Variants in SPAG1 observed in about 807,000 individuals in gnomAD.
SPAG1 encodes sperm-associated antigen 1.
Under a neutral mutation model 100.5 loss-of-function variants are expected in SPAG1, and 69 were observed. That is an observed-to-expected ratio of 0.69 (90% CI 0.57 to 0.84). The LOEUF is 0.84. Among genes scored for constraint, SPAG1 ranks in the 40% least tolerant of loss-of-function variants. SPAG1 has a pLI of 0.00. For synonymous variants in SPAG1, 336 were observed against 411.6 expected (o/e 0.82, Z 2.22); for missense variants, 955 against 1,133.1 (o/e 0.84, Z 2.26).
chr8:100,209,426 CAA>C (rs201085593), intron 10 of SPAG1, among the ~76,000 whole-genome samples: 5 of 126,694 alleles, frequency 3.9e-5, no homozygotes, highest in Non-Finnish European at 6.7e-5. Flanking sequence ...GACCCTGTCT[CAA>C]AAAAAAAAAA....
intron 10 of SPAG1, among the ~76,000 whole-genome samples, chr8:100,199,744 G>GA (rs1817187572): frequency 2.0e-5 from 3 of 152,152 alleles, no homozygotes; most frequent in African/African-American, 7.2e-5. Context: ...ACTGCGCTCA[G>GA]CCTCTTTGCC....
At chr8:100,168,343 C>G (rs1446528320) in intron 3 of SPAG1, among the ~76,000 whole-genome samples, 1 of 151,860 alleles carries the variant, frequency 6.6e-6, no homozygotes. Flanking sequence ...TGTGAGGTGT[C>G]TTTACATCCT....
chr8:100,195,878 T>C (rs543952739), intron 10 of SPAG1, among the ~76,000 whole-genome samples: 1 of 152,304 alleles, frequency 6.6e-6, no homozygotes, highest in South Asian at 2.1e-4. Context: ...CAAAAAGGCC[T>C]TCTTGCTGTC....
chr8:100,217,735 A>G (rs1818070313), intron 12 of SPAG1, among the ~76,000 whole-genome samples: 1 of 152,134 alleles, frequency 6.6e-6, no homozygotes, highest in African/African-American at 2.4e-5. Context: ...TCAACAGACT[A>G]AATACAAATG....
chr8:100,200,560 CCAA>C (rs1423871872), intron 10 of SPAG1, among the ~76,000 whole-genome samples: 1 of 152,234 alleles, frequency 6.6e-6, no homozygotes, highest in Non-Finnish European at 1.5e-5. Flanking sequence ...TACAGTCCCA[CCAA>C]CAGTGTAAAA....
intron 2 of SPAG1, among the ~76,000 whole-genome samples, chr8:100,164,965 T>TG (rs1461202551): frequency 6.6e-6 from 1 of 152,180 alleles, no homozygotes; most frequent in African/African-American, 2.4e-5. Context: ...ATAAAATAGT[T>TG]GGAGAATCCA....
chr8:100,240,335 G>C, intron 17 of SPAG1, 68 bp from the exon 18 acceptor site: 1 of 1,428,270 alleles, frequency 7.0e-7, no homozygotes, highest in Non-Finnish European at 9.5e-7. Flanking sequence ...CATTCTGACA[G>C]ACGTACTTAG....
rs757463105 is a variant in SPAG1, at chr8:100,240,436, G to T, written c.2314G>T (p.Ala772Ser). 31 of 1,610,638 alleles carry T rather than the reference G, an allele frequency of 1.9e-5. No homozygotes were observed. The highest frequency in any genetic ancestry group is 2.6e-5 in the Non-Finnish European group (31 of 1,178,658). The change falls in exon 18 of 19, where the codon GCA becomes TCA. Residue 772 changes from alanine to serine, a missense_variant. Transcript: ENST00000388798. ...AGGCAAGGAGGAGCCTGGAAGACCT[G>T]CAGGGGAGGTCTCCATGGGATGCCT... ...NEGKEEPGRP[A>S]GEVSMGCLAS...
At chr8:100,240,159 A>C (rs943801038) in intron 17 of SPAG1, among the ~76,000 whole-genome samples, 8 of 152,258 alleles carry the variant, frequency 5.3e-5, no homozygotes, top group Non-Finnish European at 8.8e-5. Flanking sequence ...AATTGTATAA[A>C]GTCTAAAAAT....
chr8:100,212,434 AAT>A (rs1445475053), intron 10 of SPAG1, among the ~76,000 whole-genome samples: 3 of 152,344 alleles, frequency 2.0e-5, no homozygotes, highest in East Asian at 1.9e-4. Context: ...TATATTTAAA[AAT>A]AGATTCAACA....
In SPAG1 at chr8:100,220,269, T is replaced by C. The variant is rs781309307; in HGVS notation, c.1536-10T>C. On this transcript the variant is annotated splice_polypyrimidine_tract_variant and intron_variant, in intron 12 of 18. Coordinates refer to ENST00000388798, the MANE Select transcript of SPAG1 (RefSeq NM_003114.5). ...AAACAAATGGTATGTAATATTTTTG[T>C]CTTCTTTAGGGCTCTGGAACTTCAT... 1.6e-5 allele frequency: 25 copies of C among 1,599,450 alleles called. No homozygotes were observed. The highest frequency in any genetic ancestry group is 2.7e-5 in the African/African-American group (2 of 73,844).
intron 10 of SPAG1, among the ~76,000 whole-genome samples, chr8:100,208,445 C>T (rs982507502): frequency 1.3e-5 from 2 of 152,134 alleles, no homozygotes; most frequent in Non-Finnish European, 2.9e-5. Context: ...ACAAATGGCC[C>T]AGACCCTTCA....
chr8:100,202,436 C>A (rs967319696), intron 10 of SPAG1, among the ~76,000 whole-genome samples: 1 of 151,524 alleles, frequency 6.6e-6, no homozygotes, highest in Non-Finnish European at 1.5e-5. Context: ...CCAGGCCGGG[C>A]GCGGTGGCTC....
At chr8:100,181,195 C>T (rs1012002674) in intron 4 of SPAG1, among the ~76,000 whole-genome samples, 2 of 152,196 alleles carry the variant, frequency 1.3e-5, no homozygotes, top group African/African-American at 4.8e-5. Flanking sequence ...TATTGCTCCA[C>T]ATTCTTTTTT....
chr8:100,233,441 T>G lies in SPAG1; in HGVS notation c.2019T>G (p.Phe673Leu), dbSNP rs1353015942. 3.7e-6 allele frequency: 6 copies of G among 1,614,024 alleles called. No individual in the cohort carries two copies. The highest frequency in any genetic ancestry group is 5.1e-6 in the Non-Finnish European group (6 of 1,179,988). The change falls in exon 16 of 19, where the codon TTT becomes TTG. Residue 673 changes from phenylalanine to leucine, a missense_variant. Physicochemically the swap from Phe to Leu is conservative, Grantham distance 22 (BLOSUM62 0). Coordinates refer to ENST00000388798, the MANE Select transcript of SPAG1 (RefSeq NM_003114.5). ...TCTGTTACTTGAAGCTGTGCCAGTTTGAAGAAGCAAAGCAGGACTGTGATC... is the reference window on the plus strand; with the variant it reads ...TCTGTTACTTGAAGCTGTGCCAGTTGGAAGAAGCAAAGCAGGACTGTGATC... The part of the protein sequence containing the change: ...RALCYLKLCQ[F>L]EEAKQDCDQA...
intron 10 of SPAG1, 62 bp from the exon 11 acceptor site, chr8:100,213,010 ACCCCCGCGGCCTCCGCGG>A: frequency 2.4e-6 from 1 of 417,830 alleles, no homozygotes. Flanking sequence ...CGCGTCCTGC[ACCCCCGCGGCCTCCGCGG>A]CCTCCGCGGC....
intron 17 of SPAG1, among the ~76,000 whole-genome samples, chr8:100,240,178 G>T (rs540673831): frequency 2.0e-5 from 3 of 152,210 alleles, no homozygotes; most frequent in Non-Finnish European, 4.4e-5. Flanking sequence ...ATTAAATTTT[G>T]TTGTCATAGT....
chr8:100,189,476 C>CA (rs1288735009), intron 8 of SPAG1, among the ~76,000 whole-genome samples: 4 of 150,404 alleles, frequency 2.7e-5, no homozygotes, highest in Admixed American at 2.0e-4. Context: ...GAATCCATCT[C>CA]AAAAAAAACC....
chr8:100,197,283 T>C (rs1346010581), intron 10 of SPAG1, among the ~76,000 whole-genome samples: 4 of 152,180 alleles, frequency 2.6e-5, no homozygotes, highest in African/African-American at 9.7e-5. Flanking sequence ...CGAGACCCCA[T>C]CTTTTTTTAG....
Sources: gnomAD v4.1 joint callset for allele counts (sites outside exome capture counted in the v4.1 genomes callset) on GRCh38, gnomAD v4.1.1 for gene constraint, MANE v1.5 for transcripts, NCBI Gene and HGNC (gene_info 2026-07-23, HGNC 2026-07-21) for gene names.